The following MYT1L variants were observed in gnomAD, a reference collection of about 807,000 sequenced individuals.
The protein encoded by MYT1L is myelin transcription factor 1-like protein.
MYT1L carries 12 observed loss-of-function variants against 126.7 expected under a neutral mutation model. The observed-to-expected ratio is 0.09, with a 90% CI of 0.06 to 0.15. The LOEUF (loss-of-function observed/expected upper bound fraction) is 0.15. MYT1L is among the 10% of genes least tolerant of loss of function. MYT1L has a pLI of 1.00. For missense variants in MYT1L, 979 were observed against 1,585.2 expected, an observed-to-expected ratio of 0.62 and a Z score of 6.49; for synonymous variants, 541 against 604.2, an observed-to-expected ratio of 0.90 and a Z score of 1.53.
At chr2:1,875,873 T>G (rs1475424526) in intron 18 of MYT1L, among the ~76,000 whole-genome samples, 1 of 152,202 alleles carries the variant, frequency 6.6e-6, no homozygotes, top group East Asian at 1.9e-4. Flanking sequence ...GCACTCTTAG[T>G]GCAGCTGTGC....
chr2:2,312,856 A>AG (rs1034184890), intron 1 of MYT1L, among the ~76,000 whole-genome samples: 1 of 152,100 alleles, frequency 6.6e-6, no homozygotes, highest in South Asian at 2.1e-4. Flanking sequence ...ATGGGAAGAA[A>AG]GGGGGGTTCT....
intron 4 of MYT1L, among the ~76,000 whole-genome samples, chr2:2,042,081 G>C (rs1436886534): frequency 6.6e-6 from 1 of 152,160 alleles, no homozygotes; most frequent in Non-Finnish European, 1.5e-5. Flanking sequence ...GACATTCAGT[G>C]GCAAGGGAAG....
intron 5 of MYT1L, among the ~76,000 whole-genome samples, chr2:1,995,724 C>T (rs1277744167): frequency 3.3e-5 from 5 of 152,252 alleles, no homozygotes; most frequent in South Asian, 2.1e-4. Context: ...CAGCTGATGC[C>T]GAAATCCCCG....
intron 2 of MYT1L, among the ~76,000 whole-genome samples, chr2:2,260,657 A>T (rs2094940253): frequency 6.7e-6 from 1 of 149,364 alleles, no homozygotes; most frequent in Non-Finnish European, 1.5e-5. Flanking sequence ...CTGGTGAATT[A>T]TTTTTTTTTT....
chr2:1,879,135 G>T (rs1178342921), intron 18 of MYT1L, among the ~76,000 whole-genome samples: 1 of 152,172 alleles, frequency 6.6e-6, no homozygotes, highest in Non-Finnish European at 1.5e-5. Context: ...GCACCCAACG[G>T]CCCTTGAGTT....
At chr2:2,273,748 G>A (rs2095309486) in intron 2 of MYT1L, among the ~76,000 whole-genome samples, 1 of 152,198 alleles carries the variant, frequency 6.6e-6, no homozygotes, top group Non-Finnish European at 1.5e-5. Flanking sequence ...AGGTTACTAA[G>A]GAGGGAATTT....
intron 3 of MYT1L, among the ~76,000 whole-genome samples, chr2:2,164,624 C>T (rs919512051): frequency 6.6e-6 from 1 of 152,118 alleles, no homozygotes. Flanking sequence ...GTCAGTTGAC[C>T]AACTATCCTT....
rs575340692 is a variant in MYT1L, at chr2:1,966,967, T to C, written c.152+12198A>G. ...TTTTCTCACTTTTTAGCTAGATGTGTTGATACTGGGAAGCAACGACCACCA... is the reference window on the plus strand; with the variant it reads ...TTTTCTCACTTTTTAGCTAGATGTGCTGATACTGGGAAGCAACGACCACCA... On this transcript the variant is annotated intron_variant, in intron 8 of 24. Coordinates refer to ENST00000647738, the MANE Select transcript of MYT1L (RefSeq NM_001303052.2). Among the ~76,000 whole-genome samples, 254 of 152,348 alleles carry C rather than the reference T, an allele frequency of 1.7e-3. 1 individual carries two copies. Among genetic ancestry groups the C allele is most frequent in the Non-Finnish European group, 3.1e-3 (212 of 68,030 alleles).
intron 2 of MYT1L, among the ~76,000 whole-genome samples, chr2:2,204,136 T>C (rs2093205909): frequency 6.6e-6 from 1 of 152,204 alleles, no homozygotes; most frequent in Admixed American, 6.5e-5. Context: ...ACTTACATGT[T>C]AGACCTAAAA....
intron 10 of MYT1L, among the ~76,000 whole-genome samples, chr2:1,919,760 G>A (rs950822152): frequency 2.6e-5 from 4 of 151,918 alleles, no homozygotes; most frequent in South Asian, 2.1e-4. Context: ...ACGGAGTCTC[G>A]CTCTGTCCCC....
chr2:2,132,002 T>C (rs2148031568), intron 3 of MYT1L, among the ~76,000 whole-genome samples: 1 of 148,526 alleles, frequency 6.7e-6, no homozygotes, highest in East Asian at 2.1e-4. Context: ...TCCAACTCGC[T>C]GGTTCAAGTG....
intron 4 of MYT1L, among the ~76,000 whole-genome samples, chr2:2,047,253 CTCT>C (rs1346482709): frequency 1.3e-5 from 2 of 152,176 alleles, no homozygotes; most frequent in African/African-American, 4.8e-5. Context: ...CCTAAATATG[CTCT>C]TCATTTCACT....
intron 2 of MYT1L, among the ~76,000 whole-genome samples, chr2:2,252,304 A>G (rs981367662): frequency 1.5e-4 from 23 of 152,320 alleles, no homozygotes; most frequent in Admixed American, 1.2e-3. Context: ...CCCATGCTTC[A>G]GGTTCCAGGC....
intron 21 of MYT1L, among the ~76,000 whole-genome samples, chr2:1,837,889 C>CTTTTTTTTTTTTTTT (rs397775613): frequency 6.9e-6 from 1 of 144,648 alleles, no homozygotes; most frequent in Non-Finnish European, 1.5e-5. Context: ...TTCTCTCTCT[C>CTTTTTTTTTTTTTTT]TTTTTTTTTT....
chr2:2,157,863 G>A (rs1440760739), intron 3 of MYT1L, among the ~76,000 whole-genome samples: 1 of 151,990 alleles, frequency 6.6e-6, no homozygotes, highest in East Asian at 1.9e-4. Context: ...TCTCTCAAAG[G>A]GTAGATCCAG....
Position 1,889,213 on chromosome 2 carries a change from C to A in MYT1L, c.2520+28G>T. ...GGGCCCCATTTTTAAGTCTGGCAGT[C>A]AACACAGGCTCAATGAAAAGGACAT... is the stretch of plus-strand genomic sequence containing the variant. On this transcript the variant is annotated intron_variant, in intron 16 of 24. Coordinates refer to ENST00000647738, the MANE Select transcript of MYT1L (RefSeq NM_001303052.2). The surrounding 1 kb of genome is among the most constrained non-coding windows in gnomAD (Gnocchi z 4.1). 3 of 1,578,770 alleles carry A rather than the reference C, an allele frequency of 1.9e-6. No individual in the cohort carries two copies. Among genetic ancestry groups the A allele is most frequent in the South Asian group, 2.3e-5 (2 of 88,428 alleles).
chr2:1,826,440 C>T (rs1213854632), intron 21 of MYT1L, among the ~76,000 whole-genome samples: 1 of 152,158 alleles, frequency 6.6e-6, no homozygotes, highest in East Asian at 1.9e-4. Context: ...TCGCGCTCCA[C>T]CCTGGTCAGC....
At chr2:1,891,707 C>T (rs1028747793) in intron 15 of MYT1L, among the ~76,000 whole-genome samples, 1 of 152,130 alleles carries the variant, frequency 6.6e-6, no homozygotes, top group Non-Finnish European at 1.5e-5. Flanking sequence ...ATGCTCTGTG[C>T]GGTCACTGGA....
At chr2:2,316,623 C>T (rs921630229) in intron 1 of MYT1L, among the ~76,000 whole-genome samples, 1 of 152,136 alleles carries the variant, frequency 6.6e-6, no homozygotes, top group East Asian at 1.9e-4. Context: ...TGCCACGGCA[C>T]GTACGTTTCT....
Sources: gnomAD v4.1 joint callset for allele counts (sites outside exome capture counted in the v4.1 genomes callset) on GRCh38, gnomAD v4.1.1 for gene constraint, Gnocchi (gnomAD v3.1) non-coding constraint, MANE v1.5 for transcripts, NCBI Gene and HGNC (gene_info 2026-07-23, HGNC 2026-07-21) for gene names.